ITGA9: variants seen among roughly 807,000 people sequenced by gnomAD.
The protein encoded by ITGA9 is integrin alpha-9.
In ITGA9, 56 loss-of-function variants were observed where a neutral mutation model predicts 127.8. The observed-to-expected ratio is 0.44, with a 90% confidence interval of 0.35 to 0.55. The LOEUF (loss-of-function observed/expected upper bound fraction) is 0.55. Ranked by LOEUF, ITGA9 falls within the 20% of genes least tolerant of loss-of-function variation. The pLI is 0.00. For synonymous variants in ITGA9, 508 were observed against 514.5 expected, an observed-to-expected ratio of 0.99 and a Z score of 0.17; for missense variants, 1,196 against 1,347.1, an observed-to-expected ratio of 0.89 and a Z score of 1.76.
intron 14 of ITGA9, among the ~76,000 whole-genome samples, chr3:37,541,458 C>G (rs1379316514): frequency 2.0e-5 from 3 of 152,164 alleles, no homozygotes; most frequent in African/African-American, 7.2e-5. Context: ...GAAATACATA[C>G]CTATCTATTT....
chr3:37,783,238 C>T (rs1696999668), intron 25 of ITGA9, among the ~76,000 whole-genome samples: 1 of 152,162 alleles, frequency 6.6e-6, no homozygotes, highest in Non-Finnish European at 1.5e-5. Context: ...GGGGGCCCAT[C>T]CTGTGCCAGA....
At chr3:37,726,380 A>G (rs1161109763) in intron 18 of ITGA9, among the ~76,000 whole-genome samples, 2 of 152,236 alleles carry the variant, frequency 1.3e-5, no homozygotes, top group Admixed American at 6.5e-5. Flanking sequence ...TTCAAACTCT[A>G]CCTAGCATTG....
intron 4 of ITGA9, among the ~76,000 whole-genome samples, chr3:37,489,589 CCTAG>C (rs1559518899): frequency 6.6e-6 from 1 of 152,084 alleles, no homozygotes; most frequent in Non-Finnish European, 1.5e-5. Flanking sequence ...TCCTCTTTAA[CCTAG>C]CTGTTTAATT....
intron 17 of ITGA9, among the ~76,000 whole-genome samples, chr3:37,661,168 C>T (rs1700529541): frequency 6.6e-6 from 1 of 152,222 alleles, no homozygotes; most frequent in African/African-American, 2.4e-5. Flanking sequence ...AGCAAGGTAG[C>T]CCTGTCTCTT....
At chr3:37,651,182 G>C (rs73070727) in intron 16 of ITGA9, among the ~76,000 whole-genome samples, 5,322 of 152,028 alleles carry the variant, frequency 0.035, 136 homozygotes, top group Non-Finnish European at 0.053. Flanking sequence ...GCTTGCCTTT[G>C]TTGGATGGAA....
chr3:37,641,649 C>T lies in ITGA9; in HGVS notation c.1840-12065C>T, dbSNP rs151264523. Reference sequence around the variant, plus strand: ...CACATCCCTGCATAACCTCCTCCCGCTGAGGAGCTCCCTTCCCCCTCAGAA... The same window carrying T: ...CACATCCCTGCATAACCTCCTCCCGTTGAGGAGCTCCCTTCCCCCTCAGAA... On this transcript the variant is annotated intron_variant, in intron 16 of 27. Transcript: ENST00000264741. Among the ~76,000 whole-genome samples, 1,493 of 152,280 alleles carry T rather than the reference C, an allele frequency of 9.8e-3. 14 individuals carry two copies. Among genetic ancestry groups the T allele is most frequent in the Non-Finnish European group, 0.016 (1,089 of 68,026 alleles).
intron 13 of ITGA9, among the ~76,000 whole-genome samples, chr3:37,526,383 T>C (rs575786516): frequency 1.2e-3 from 183 of 152,312 alleles, no homozygotes; most frequent in African/African-American, 4.3e-3. Context: ...TTAAGCTATT[T>C]GCTTTTGGCC....
intron 15 of ITGA9, among the ~76,000 whole-genome samples, chr3:37,600,521 AG>A (rs1172168977): frequency 6.6e-5 from 10 of 152,098 alleles, no homozygotes. Flanking sequence ...TCCACGATGC[AG>A]GGCCCGCGGT....
rs1204166943 is a variant in ITGA9 at position 37,629,068 on chromosome 3, A to G, written c.1690-119A>G. ...GAAAGTCATAAAACCCTACCTCACG[A>G]GGGTGATTGTGAGGATTATATGAGG... On this transcript the variant is annotated intron_variant, in intron 15 of 27. Coordinates refer to ENST00000264741, the MANE Select transcript of ITGA9 (RefSeq NM_002207.3). This position sits in a 1 kb window ranked among gnomAD's most constrained non-coding sequence, Gnocchi z 4.5. The G allele has an allele frequency of 1.7e-6, 2 of 1,171,506 alleles. No individual in the cohort carries two copies. The highest frequency in any genetic ancestry group is 2.5e-6 in the Non-Finnish European group (2 of 785,998). 72.6% of individuals were successfully genotyped at this position (1,171,506 alleles called of 1,614,324 possible). A position where few individuals can be genotyped will look rare whatever the true frequency, so the allele number is the denominator to read the frequency against.
At chr3:37,495,372 T>A (rs143644990) in intron 5 of ITGA9, among the ~76,000 whole-genome samples, 3 of 152,352 alleles carry the variant, frequency 2.0e-5, no homozygotes, top group African/African-American at 7.2e-5. Context: ...GTAGTACATT[T>A]TTAGGGACTG....
rs748912781 is a variant in ITGA9 at position 37,523,507 on chromosome 3, A to G, written c.1237-14A>G. 7 of 1,605,868 alleles carry G rather than the reference A, an allele frequency of 4.4e-6. No homozygotes were observed. Among genetic ancestry groups the G allele is most frequent in the African/African-American group, 2.7e-5 (2 of 74,800 alleles). ...TCTTTTCCTGTGACTCCATTTCCCT[A>G]TTATCTGTTTCAGAAACTGTCTGGG... On this transcript the variant is annotated splice_polypyrimidine_tract_variant and intron_variant, in intron 11 of 27. Coordinates refer to ENST00000264741, the MANE Select transcript of ITGA9 (RefSeq NM_002207.3).
At position 37,597,930 on chromosome 3, in the gene ITGA9, A is replaced by G. The variant is rs12491609; in HGVS notation, c.1690-31257A>G. On this transcript the variant is annotated intron_variant, in intron 15 of 27. Transcript: ENST00000264741. This position sits in a 1 kb window ranked among gnomAD's most constrained non-coding sequence, Gnocchi z 4.6. The stretch of plus-strand genomic sequence containing the variant: ...CACTGTCCAACAGGCCAGCCTGGGC[A>G]TATTCACGTGGAGACTGAGAAGCAC... Among the ~76,000 whole-genome samples, 21,442 of 152,292 alleles carry G rather than the reference A, an allele frequency of 0.14. 1,832 individuals carry two copies. Among genetic ancestry groups the G allele is most frequent in the Admixed American group, 0.28 (4,249 of 15,302 alleles).
chr3:37,608,709 A>G (rs1699991374), intron 15 of ITGA9, among the ~76,000 whole-genome samples: 1 of 152,228 alleles, frequency 6.6e-6, no homozygotes. Context: ...AGTTGAAGAC[A>G]TAAATACTGT....
In ITGA9 at chr3:37,561,868, GTTA is replaced by G. The variant is rs144822678; in HGVS notation, c.1689+19289_1689+19291del. The stretch of plus-strand genomic sequence containing the variant: ...TTCCGGGGACTCATCTCTCAGCCCT[GTTA>G]TTATTCTCAGGGATTTGGAGGGTGC... On this transcript the variant is annotated intron_variant, in intron 15 of 27. Transcript: ENST00000264741. 8.2e-3 allele frequency among the ~76,000 whole-genome samples: 1,254 copies of G among 152,322 alleles called. 16 individuals are homozygous for G. The highest frequency in any genetic ancestry group is 0.028 in the African/African-American group (1,150 of 41,566).
At chr3:37,504,960 G>A (rs971992898) in intron 6 of ITGA9, among the ~76,000 whole-genome samples, 1 of 152,184 alleles carries the variant, frequency 6.6e-6, no homozygotes, top group Admixed American at 6.5e-5. Context: ...CAGCCTGCTA[G>A]CAAGGCTCTC....
chr3:37,452,696 G>C lies in ITGA9; in HGVS notation c.185+137G>C. Reference sequence around the variant, plus strand: ...CGATTTAAATGTCTCCGTTGCGCGCGGCTCGGCCGCCGGGGGACGGCGGGA... The same window carrying C: ...CGATTTAAATGTCTCCGTTGCGCGCCGCTCGGCCGCCGGGGGACGGCGGGA... On this transcript the variant is annotated intron_variant, in intron 1 of 27. Coordinates refer to ENST00000264741, the MANE Select transcript of ITGA9 (RefSeq NM_002207.3). The surrounding 1 kb of genome is among the most constrained non-coding windows in gnomAD (Gnocchi z 7.3). 1 of 763,674 alleles carries C rather than the reference G, an allele frequency of 1.3e-6. No homozygotes were observed. The highest frequency in any genetic ancestry group is 1.9e-6 in the Non-Finnish European group (1 of 538,584). The allele number at this position is 763,674 out of a possible 1,614,324, so 47.3% of individuals were successfully genotyped here.
At chr3:37,539,178 C>T (rs1388308379) in intron 14 of ITGA9, among the ~76,000 whole-genome samples, 1 of 152,214 alleles carries the variant, frequency 6.6e-6, no homozygotes, top group African/African-American at 2.4e-5. Context: ...TTATCTAGCA[C>T]AGTGCTTGGC....
At chr3:37,527,210 A>G (rs1241603288) in intron 13 of ITGA9, among the ~76,000 whole-genome samples, 1 of 152,238 alleles carries the variant, frequency 6.6e-6, no homozygotes, top group Non-Finnish European at 1.5e-5. Flanking sequence ...TGGTAGTTTC[A>G]ACTTAGGATG....
Position 37,517,486 on chromosome 3 carries a change from C to T in ITGA9, c.1036-18C>T. The stretch of plus-strand genomic sequence containing the variant: ...TTTTTGTTTTGTTTTCCATTTTCTC[C>T]TCCATCCTGTTTCCCAGGGAGCCCT... On this transcript the variant is annotated intron_variant, in intron 9 of 27. Transcript: ENST00000264741. 6.5e-7 allele frequency: 1 copy of T among 1,536,044 alleles called. No individual in the cohort carries two copies. The highest frequency in any genetic ancestry group is 8.9e-7 in the Non-Finnish European group (1 of 1,126,816).
Sources: allele counts gnomAD v4.1 joint callset (sites outside exome capture counted in the v4.1 genomes callset), GRCh38; gene constraint gnomAD v4.1.1; non-coding constraint Gnocchi (gnomAD v3.1); transcripts MANE v1.5; gene names NCBI Gene and HGNC (gene_info 2026-07-23, HGNC 2026-07-21).